Variants in CLN3 observed in about 807,000 individuals in gnomAD.
CLN3 encodes the protein battenin.
A neutral mutation model predicts 60.7 loss-of-function variants in CLN3; 49 were observed. The ratio of observed to expected loss-of-function variants is 0.81; its 90% CI spans 0.64 to 1.02. CLN3 has a LOEUF of 1.02. Ranked by LOEUF, CLN3 falls within the 50% of genes least tolerant of loss-of-function variation. The pLI is 0.00. For missense variants in CLN3, 516 were observed against 557.4 expected (o/e 0.93, Z 0.75); for synonymous variants, 256 against 245.8 (o/e 1.04, Z -0.39).
downstream of CLN3, chr16:28,477,154 C>T: frequency 3.0e-6 from 1 of 328,882 alleles, no homozygotes; most frequent in Admixed American, 4.4e-5. Context: ...AACAAACAAA[C>T]AAACAAACAA....
At chr16:28,471,924 G>A (rs1234735926), downstream of CLN3, among the ~76,000 whole-genome samples, 1 of 152,196 alleles carries the variant, frequency 6.6e-6, no homozygotes, top group Non-Finnish European at 1.5e-5. Flanking sequence ...CAGATACTTG[G>A]TAGGCTGAGG....
chr16:28,477,421 C>T lies in CLN3; in HGVS notation c.*95G>A, dbSNP rs1340343132. ...CCAGACCTGCCGGGAAGGCTGGGAGCACAGTTCATGGAGGGTCTCTGGGGT... is the reference window on the plus strand; with the variant it reads ...CCAGACCTGCCGGGAAGGCTGGGAGTACAGTTCATGGAGGGTCTCTGGGGT... On this transcript the variant is annotated 3_prime_UTR_variant, in exon 16 of 16. Coordinates refer to ENST00000636147, the MANE Select transcript of CLN3 (RefSeq NM_001042432.2). The T allele has an allele frequency of 1.3e-6, 2 of 1,547,466 alleles. No homozygotes were observed. The highest frequency in any genetic ancestry group is 1.7e-5 in the Admixed American group (1 of 59,676).
downstream of CLN3, among the ~76,000 whole-genome samples, chr16:28,473,879 T>C (rs938587818): frequency 2.0e-5 from 3 of 151,606 alleles, no homozygotes; most frequent in African/African-American, 7.3e-5. Flanking sequence ...ACCAGGGACA[T>C]GCAAATCAAA....
At chr16:28,480,276 G>C (rs1381595952) in intron 14 of CLN3, among the ~76,000 whole-genome samples, 6 of 151,694 alleles carry the variant, frequency 4.0e-5, no homozygotes, top group African/African-American at 1.2e-4. Context: ...CTGGTCTCAA[G>C]CTCCTGGCTT....
intron 10 of CLN3, among the ~76,000 whole-genome samples, chr16:28,483,157 A>T (rs2046132900): frequency 6.6e-6 from 1 of 152,134 alleles, no homozygotes; most frequent in Admixed American, 6.6e-5. Flanking sequence ...CAAGTAATAT[A>T]CATACTTTAT....
At chr16:28,479,181 C>G (rs541987585) in intron 14 of CLN3, among the ~76,000 whole-genome samples, 1 of 152,166 alleles carries the variant, frequency 6.6e-6, no homozygotes, top group Non-Finnish European at 1.5e-5. Context: ...TCATACTTTT[C>G]GTATATGTAA....
intron 14 of CLN3, among the ~76,000 whole-genome samples, chr16:28,481,462 A>ACACG (rs1555468037): frequency 5.4e-5 from 8 of 148,804 alleles, no homozygotes; most frequent in Admixed American, 1.3e-4. Flanking sequence ...ACGCACACAC[A>ACACG]CACACACACA....
intron 14 of CLN3, among the ~76,000 whole-genome samples, chr16:28,478,976 C>T (rs1426273546): frequency 6.6e-6 from 1 of 152,100 alleles, no homozygotes; most frequent in Non-Finnish European, 1.5e-5. Flanking sequence ...GCAGTCGCTG[C>T]CCCCCTGCCT....
chr16:28,491,798 G>C lies in CLN3; in HGVS notation c.-39C>G, dbSNP rs1435455120. 1 of 1,611,272 alleles carries C rather than the reference G, an allele frequency of 6.2e-7. No homozygotes were observed. The highest frequency in any genetic ancestry group is 8.5e-7 in the Non-Finnish European group (1 of 1,179,560). Reference sequence around the variant, plus strand: ...GGTCCCCCGAGGGTCCAGGGTCATAGAGTGTCCAAAGGGGGCTCCCACGGG... The same window carrying C: ...GGTCCCCCGAGGGTCCAGGGTCATACAGTGTCCAAAGGGGGCTCCCACGGG... On this transcript the variant is annotated 5_prime_UTR_variant, in exon 2 of 16. Transcript: ENST00000636147.
intron 3 of CLN3, among the ~76,000 whole-genome samples, chr16:28,490,715 G>T (rs988825178): frequency 6.8e-6 from 1 of 146,588 alleles, no homozygotes; most frequent in African/African-American, 2.5e-5. Context: ...AGCCGAGATT[G>T]CGCCACTGCA....
In CLN3 at chr16:28,481,456, A is replaced by G. The variant is rs61663466; in HGVS notation, c.1056+649T>C. Among the ~76,000 whole-genome samples the G allele has an allele frequency of 9.5e-3, 666 of 70,204 alleles. 4 individuals are homozygous for G. The highest frequency in any genetic ancestry group is 0.016 in the African/African-American group (452 of 28,656). The allele number at this position is 70,204 out of a possible 152,430, so 46.1% of individuals were successfully genotyped here. A position where few individuals can be genotyped will look rare whatever the true frequency, so the allele number is the denominator to read the frequency against. ...CACACACACACACACACACACACGCACACACACACACACACACACTACAAA... is the reference window on the plus strand; with the variant it reads ...CACACACACACACACACACACACGCGCACACACACACACACACACTACAAA... On this transcript the variant is annotated intron_variant, in intron 14 of 15. Coordinates refer to ENST00000636147, the MANE Select transcript of CLN3 (RefSeq NM_001042432.2).
chr16:28,487,333 T>C, intron 7 of CLN3, 123 bp downstream of exon 7: 1 of 821,286 alleles, frequency 1.2e-6, no homozygotes, highest in Non-Finnish European at 2.1e-6. Flanking sequence ...CTGATAGCCC[T>C]AGCAGGCTTC....
chr16:28,477,236 C>T, downstream of CLN3: 1 of 487,474 alleles, frequency 2.1e-6, no homozygotes, highest in Admixed American at 3.3e-5. Context: ...GTATTACTTT[C>T]ATAATAAAAG....
intron 10 of CLN3, among the ~76,000 whole-genome samples, chr16:28,483,680 C>G (rs1008351344): frequency 1.3e-5 from 2 of 148,804 alleles, no homozygotes; most frequent in Non-Finnish European, 3.0e-5. Flanking sequence ...ATTAATATCC[C>G]TTCTTCTCTC....
At chr16:28,469,920 C>G (rs1184496732), downstream of CLN3, 2 of 279,012 alleles carry the variant, frequency 7.2e-6, no homozygotes, top group East Asian at 2.3e-4. Flanking sequence ...TGCAGTGAGC[C>G]GAGATCTTGC....
chr16:28,488,718 G>C, intron 4 of CLN3, 56 bp from the exon 5 acceptor site: 1 of 1,552,516 alleles, frequency 6.4e-7, no homozygotes, highest in South Asian at 1.1e-5. Flanking sequence ...GACACACAGA[G>C]CCTGGCTCCC....
intron 3 of CLN3, 150 bp downstream of exon 3, chr16:28,491,332 T>G: frequency 8.8e-7 from 1 of 1,134,800 alleles, no homozygotes. Context: ...TTTGGAAATT[T>G]TACATGCTGC....
At chr16:28,490,741 C>G (rs1318704882) in intron 3 of CLN3, among the ~76,000 whole-genome samples, 2 of 122,146 alleles carry the variant, frequency 1.6e-5, no homozygotes, top group Non-Finnish European at 3.2e-5. Flanking sequence ...GCCTGGAGGA[C>G]AGAGAGAGAC....
intron 10 of CLN3, among the ~76,000 whole-genome samples, chr16:28,483,343 T>C (rs999140250): frequency 6.6e-6 from 1 of 151,882 alleles, no homozygotes; most frequent in Non-Finnish European, 1.5e-5. Context: ...TGCCTCAGCT[T>C]CCCAAGTAGC....
Sources: gnomAD v4.1 joint callset for allele counts (sites outside exome capture counted in the v4.1 genomes callset) on GRCh38, gnomAD v4.1.1 for gene constraint, MANE v1.5 for transcripts, NCBI Gene and HGNC (gene_info 2026-07-23, HGNC 2026-07-21) for gene names.